EMID1: variants seen among roughly 807,000 people sequenced by gnomAD.
EMID1 encodes the protein EMI domain containing 1.
EMID1 carries 40 observed loss-of-function variants against 60.6 expected under a neutral mutation model. The ratio of observed to expected loss-of-function variants is 0.66; its 90% CI spans 0.51 to 0.86. EMID1 has a LOEUF of 0.86. Among genes scored for constraint, EMID1 ranks in the 40% least tolerant of loss-of-function variants. EMID1 has a pLI of 0.00. For synonymous variants in EMID1, 242 were observed against 231.0 expected (o/e 1.05, Z -0.43); for missense variants, 585 against 597.1 (o/e 0.98, Z 0.21).
At chr22:29,215,723 T>C in intron 3 of EMID1, 93 bp downstream of exon 3, 1 of 989,422 alleles carries the variant, frequency 1.0e-6, no homozygotes, top group Non-Finnish European at 1.6e-6. Flanking sequence ...AAGAGAGTCA[T>C]GCACAGTACC....
At chr22:29,233,122 G>C in intron 8 of EMID1, 1 of 542,928 alleles carries the variant, frequency 1.8e-6, no homozygotes, top group East Asian at 3.0e-5. Flanking sequence ...GACAGTACAG[G>C]CTCTGAAAAG....
intron 13 of EMID1, chr22:29,253,857 G>C: frequency 2.1e-6 from 2 of 970,550 alleles, no homozygotes; most frequent in South Asian, 4.8e-5. Flanking sequence ...ACAGACATTA[G>C]AGGACAGGAG....
In EMID1 at chr22:29,259,454, T is replaced by C. The variant is rs1167810317; in HGVS notation, c.*510T>C. The C allele has an allele frequency of 5.9e-6, 1 of 168,216 alleles. No individual in the cohort carries two copies. Among genetic ancestry groups the C allele is most frequent in the Non-Finnish European group, 1.3e-5 (1 of 79,004 alleles). 10.4% of individuals were successfully genotyped at this position (168,216 alleles called of 1,614,324 possible). ...GGGGCTTCTTGCCTCAGTTCTTCCC[T>C]CTGAGCCCCCAGGCCCTCCCGCATC... On this transcript the variant is annotated 3_prime_UTR_variant, in exon 15 of 15. Coordinates refer to ENST00000334018, the MANE Select transcript of EMID1 (RefSeq NM_133455.4).
At chr22:29,211,499 G>A (rs1261107505) in intron 1 of EMID1, among the ~76,000 whole-genome samples, 1 of 152,202 alleles carries the variant, frequency 6.6e-6, no homozygotes, top group African/African-American at 2.4e-5. Flanking sequence ...GTGTGCATGT[G>A]TGTGCGTGTA....
At chr22:29,240,153 G>C (rs1439265264) in intron 12 of EMID1, among the ~76,000 whole-genome samples, 1 of 152,164 alleles carries the variant, frequency 6.6e-6, no homozygotes, top group Non-Finnish European at 1.5e-5. Flanking sequence ...CTTGGACTGT[G>C]AACTTCACCA....
At chr22:29,246,303 C>T (rs772794282) in intron 13 of EMID1, among the ~76,000 whole-genome samples, 35 of 152,050 alleles carry the variant, frequency 2.3e-4, no homozygotes, top group Non-Finnish European at 4.1e-4. Context: ...GGACTTTGTT[C>T]TAGGGCAGTG....
Position 29,206,042 on chromosome 22 carries a change from G to C in EMID1, c.4G>C (p.Gly2Arg). 8.2e-7 allele frequency: 1 copy of C among 1,226,116 alleles called. No homozygotes were observed. The highest frequency in any genetic ancestry group is 1.6e-5 in the African/African-American group (1 of 64,172). The allele number at this position is 1,226,116 out of a possible 1,614,324, so 76.0% of individuals were successfully genotyped here. A position where few individuals can be genotyped will look rare whatever the true frequency, so the allele number is the denominator to read the frequency against. The change falls in exon 1 of 15, where the codon GGC becomes CGC. Residue 2 changes from glycine to arginine, a missense_variant. Physicochemically the swap from Gly to Arg is moderately radical, Grantham distance 125. Transcript: ENST00000334018. M[G>R]GPRAWALLCL... ...CGCGGAGGGCGCCTGGTGCAGCATG[G>C]GCGGCCCGCGGGCTTGGGCGCTGCT...
intron 4 of EMID1, among the ~76,000 whole-genome samples, chr22:29,226,126 C>T (rs996956987): frequency 6.6e-6 from 1 of 152,194 alleles, no homozygotes; most frequent in Non-Finnish European, 1.5e-5. Context: ...ACTCTTAGCC[C>T]ATGAGGCTGG....
intron 10 of EMID1, 84 bp downstream of exon 10, chr22:29,233,750 A>T: frequency 7.8e-7 from 1 of 1,286,452 alleles, no homozygotes; most frequent in South Asian, 1.3e-5. Context: ...TCCATCATCC[A>T]CCCTTGTATC....
At position 29,259,504 on chromosome 22, in the gene EMID1, G is replaced by A. The variant is rs2058081954; in HGVS notation, c.*560G>A. On this transcript the variant is annotated 3_prime_UTR_variant, in exon 15 of 15. Transcript: ENST00000334018. ...CTCAGGTTGGGGATGGGGACATGGA[G>A]AGGAAGGGGCCGCCTACTCCTGCAA... is the stretch of plus-strand genomic sequence containing the variant. 1.2e-5 allele frequency: 2 copies of A among 168,164 alleles called. No individual in the cohort carries two copies. The highest frequency in any genetic ancestry group is 1.2e-4 in the Admixed American group (2 of 16,776). 10.4% of individuals were successfully genotyped at this position (168,164 alleles called of 1,614,324 possible).
chr22:29,258,679 A>C, intron 14 of EMID1, 138 bp from the exon 15 acceptor site: 1 of 1,354,088 alleles, frequency 7.4e-7, no homozygotes, highest in Non-Finnish European at 9.9e-7. Context: ...CCTTTCCCAC[A>C]GCTCTGCAGC....
At chr22:29,207,789 C>T (rs1037156637) in intron 1 of EMID1, among the ~76,000 whole-genome samples, 2 of 152,232 alleles carry the variant, frequency 1.3e-5, no homozygotes, top group Non-Finnish European at 2.9e-5. Context: ...ACAAGTGGCA[C>T]CTCAGTCCAG....
chr22:29,207,454 C>T (rs540072823), intron 1 of EMID1, among the ~76,000 whole-genome samples: 16 of 152,164 alleles, frequency 1.1e-4, no homozygotes, highest in Non-Finnish European at 2.4e-4. Flanking sequence ...TGGAAGTGAG[C>T]CGCCAGGATC....
At chr22:29,215,699 A>T in intron 3 of EMID1, 69 bp downstream of exon 3, 1 of 1,242,754 alleles carries the variant, frequency 8.0e-7, no homozygotes, top group East Asian at 2.3e-5. Flanking sequence ...AGGTGCATGG[A>T]GCCGTGAACT....
At chr22:29,212,635 C>T (rs1396101609) in intron 1 of EMID1, among the ~76,000 whole-genome samples, 2 of 152,012 alleles carry the variant, frequency 1.3e-5, no homozygotes, top group East Asian at 3.9e-4. Flanking sequence ...GCGATCTCAG[C>T]TCACTGCCAC....
At chr22:29,208,298 G>A (rs938095399) in intron 1 of EMID1, among the ~76,000 whole-genome samples, 3 of 152,186 alleles carry the variant, frequency 2.0e-5, no homozygotes, top group African/African-American at 7.2e-5. Flanking sequence ...GGAGGGGGTG[G>A]CCTGGGAAGG....
intron 12 of EMID1, among the ~76,000 whole-genome samples, chr22:29,242,428 A>G (rs1209942762): frequency 6.6e-6 from 1 of 152,150 alleles, no homozygotes; most frequent in Non-Finnish European, 1.5e-5. Context: ...CATGATATCA[A>G]TTTCAGTAGA....
At chr22:29,212,018 C>A (rs1601897363) in intron 1 of EMID1, among the ~76,000 whole-genome samples, 2 of 152,236 alleles carry the variant, frequency 1.3e-5, no homozygotes, top group East Asian at 3.8e-4. Context: ...CAGAGTTTCG[C>A]TCTGCTGCCC....
intron 13 of EMID1, among the ~76,000 whole-genome samples, chr22:29,246,236 G>C (rs1276606857): frequency 6.6e-6 from 1 of 152,104 alleles, no homozygotes; most frequent in Admixed American, 6.5e-5. Context: ...GACAGGTAGA[G>C]AGTGGAACAG....
Sources: gnomAD v4.1 joint callset for allele counts (sites outside exome capture counted in the v4.1 genomes callset) on GRCh38, gnomAD v4.1.1 for gene constraint, MANE v1.5 for transcripts, NCBI Gene and HGNC (gene_info 2026-07-23, HGNC 2026-07-21) for gene names.